SHISA9: variants seen among roughly 807,000 people sequenced by gnomAD.
The protein encoded by SHISA9 is shisa family member 9.
A neutral mutation model predicts 38.0 loss-of-function variants in SHISA9; 13 were observed. The observed-to-expected ratio is 0.34, with a 90% confidence interval of 0.22 to 0.54. The LOEUF (loss-of-function observed/expected upper bound fraction) is 0.54, where lower values mean the gene tolerates loss of function less well. Among genes scored for constraint, SHISA9 ranks in the 20% least tolerant of loss-of-function variants. The probability of loss-of-function intolerance (pLI) is 0.91; values close to 1 mark genes in which losing one functional copy is unlikely to be tolerated. For synonymous variants in SHISA9, 275 were observed against 242.0 expected (o/e 1.14, Z -1.27); for missense variants, 538 against 575.8 (o/e 0.93, Z 0.67).
At chr16:12,965,863 CA>C (rs1272041148) in intron 2 of SHISA9, among the ~76,000 whole-genome samples, 1 of 152,132 alleles carries the variant, frequency 6.6e-6, no homozygotes, top group East Asian at 1.9e-4. Flanking sequence ...AAATGAATGA[CA>C]AAAAGTGTTT....
At chr16:13,189,504 T>C (rs2050861924) in intron 2 of SHISA9, among the ~76,000 whole-genome samples, 3 of 152,224 alleles carry the variant, frequency 2.0e-5, no homozygotes, top group African/African-American at 7.2e-5. Flanking sequence ...CTTTGTAAAA[T>C]AGAATTGTTA....
At chr16:13,379,329 C>T in the SHISA9 span, among the ~76,000 whole-genome samples, 1 of 152,222 alleles carries the variant, frequency 6.6e-6, no homozygotes, top group African/African-American at 2.4e-5. Flanking sequence ...AAAATGCTTG[C>T]TCTCTCTGAT....
the SHISA9 span, among the ~76,000 whole-genome samples, chr16:13,534,485 A>G: frequency 2.0e-5 from 3 of 152,200 alleles, no homozygotes; most frequent in African/African-American, 7.2e-5. Flanking sequence ...TTGGCCTCCC[A>G]AAGTGCTGGG....
chr16:13,390,449 G>C, the SHISA9 span, among the ~76,000 whole-genome samples: 1 of 152,090 alleles, frequency 6.6e-6, no homozygotes, highest in African/African-American at 2.4e-5. Context: ...GGCTGTCTTT[G>C]TCCCTCTGTG....
intron 2 of SHISA9, among the ~76,000 whole-genome samples, chr16:13,002,989 C>CA (rs1567178118): frequency 6.6e-6 from 1 of 151,612 alleles, no homozygotes; most frequent in Non-Finnish European, 1.5e-5. Flanking sequence ...GGAAGGCCAT[C>CA]AAAAAAAAGC....
the SHISA9 span, among the ~76,000 whole-genome samples, chr16:13,413,225 A>T: frequency 6.6e-6 from 1 of 152,182 alleles, no homozygotes; most frequent in Non-Finnish European, 1.5e-5. Flanking sequence ...CTTGGAGAAA[A>T]ATTCTATGAT....
intron 4 of SHISA9, among the ~76,000 whole-genome samples, chr16:13,218,361 T>C (rs956169020): frequency 6.6e-6 from 1 of 152,200 alleles, no homozygotes; most frequent in African/African-American, 2.4e-5. Context: ...TAGACCTAGC[T>C]TTTCCTAATC....
At chr16:13,508,996 C>A in the SHISA9 span, among the ~76,000 whole-genome samples, 5 of 152,076 alleles carry the variant, frequency 3.3e-5, no homozygotes, top group Non-Finnish European at 7.4e-5. Flanking sequence ...TTGCTATAAA[C>A]CTGTGAGGAA....
intron 2 of SHISA9, among the ~76,000 whole-genome samples, chr16:12,953,168 T>TA (rs970033570): frequency 3.2e-5 from 4 of 124,612 alleles, no homozygotes; most frequent in East Asian, 2.5e-4. Context: ...AGAGGAACCT[T>TA]AAAAAAAAGT....
chr16:13,049,507 T>C (rs1287598115), intron 2 of SHISA9, among the ~76,000 whole-genome samples: 2 of 152,182 alleles, frequency 1.3e-5, no homozygotes, highest in African/African-American at 4.8e-5. Context: ...GAGGAAAATG[T>C]GTCCCTGTGG....
intron 2 of SHISA9, among the ~76,000 whole-genome samples, chr16:13,026,192 A>C (rs1414577996): frequency 1.3e-5 from 2 of 152,032 alleles, no homozygotes; most frequent in East Asian, 3.9e-4. Context: ...CATCTTGTAC[A>C]ATTGAGACAT....
At chr16:13,234,530 A>G (rs578148018) in intron 4 of SHISA9, among the ~76,000 whole-genome samples, 8 of 152,238 alleles carry the variant, frequency 5.3e-5, no homozygotes, top group African/African-American at 1.9e-4. Context: ...AACAAAAGCA[A>G]ACAAACCAGC....
intron 2 of SHISA9, among the ~76,000 whole-genome samples, chr16:13,010,726 C>T (rs893573729): frequency 1.2e-4 from 18 of 152,026 alleles, no homozygotes; most frequent in South Asian, 2.1e-4. Flanking sequence ...CCAAGGCGGG[C>T]GGATCACCTG....
intron 2 of SHISA9, among the ~76,000 whole-genome samples, chr16:13,079,494 T>G (rs771409999): frequency 6.6e-6 from 1 of 152,344 alleles, no homozygotes; most frequent in Admixed American, 6.5e-5. Flanking sequence ...CCCATTATAC[T>G]GTTAAGTGAT....
At chr16:13,390,941 CT>C in the SHISA9 span, among the ~76,000 whole-genome samples, 1 of 152,170 alleles carries the variant, frequency 6.6e-6, no homozygotes, top group Non-Finnish European at 1.5e-5. Flanking sequence ...TTTCGTAACA[CT>C]TTGGCTGCTG....
chr16:13,019,036 G>A (rs1405406245), intron 2 of SHISA9, among the ~76,000 whole-genome samples: 1 of 152,096 alleles, frequency 6.6e-6, no homozygotes, highest in Admixed American at 6.6e-5. Context: ...GTCTTGCTCT[G>A]TTGCTCAGGC....
the SHISA9 span, among the ~76,000 whole-genome samples, chr16:13,328,263 C>T: frequency 6.6e-6 from 1 of 152,082 alleles, no homozygotes; most frequent in African/African-American, 2.4e-5. Flanking sequence ...TGCCAGCTCT[C>T]TAGTAAGAGT....
intron 2 of SHISA9, among the ~76,000 whole-genome samples, chr16:12,983,434 A>G (rs2072266227): frequency 1.3e-5 from 2 of 152,184 alleles, no homozygotes; most frequent in African/African-American, 4.8e-5. Context: ...CATCCAACAC[A>G]TAGTAGGGAC....
intron 2 of SHISA9, among the ~76,000 whole-genome samples, chr16:13,126,472 G>C (rs1025489227): frequency 2.7e-5 from 4 of 149,212 alleles, no homozygotes; most frequent in African/African-American, 7.4e-5. Flanking sequence ...GGGATGGAGA[G>C]GGAAGGAAGG....
Sources: gnomAD v4.1 joint callset for allele counts (sites outside exome capture counted in the v4.1 genomes callset) on GRCh38, gnomAD v4.1.1 for gene constraint, MANE v1.5 for transcripts, NCBI Gene and HGNC (gene_info 2026-07-23, HGNC 2026-07-21) for gene names.